SPG21: variants seen among roughly 807,000 people sequenced by gnomAD.
The protein encoded by SPG21 is SPG21 abhydrolase domain containing, maspardin, also known as maspardin.
In SPG21, 26 loss-of-function variants were observed where a neutral mutation model predicts 38.9. The ratio of observed to expected loss-of-function variants is 0.67; its 90% confidence interval spans 0.49 to 0.93. The LOEUF is 0.93. SPG21 is among the 40% of genes least tolerant of loss of function. The probability of loss-of-function intolerance (pLI) is 0.00; values close to 1 mark genes in which losing one functional copy is unlikely to be tolerated. For missense variants in SPG21, 333 were observed against 376.5 expected (o/e 0.88, Z 0.96); for synonymous variants, 136 against 128.9 (o/e 1.05, Z -0.37).
rs552147731 is a variant in SPG21 at position 64,980,783 on chromosome 15, A to G, written c.225+81T>C. On this transcript the variant is annotated intron_variant, in intron 3 of 8. Transcript: ENST00000204566. ...AACAAACAAACAAACTGTGCCCATT[A>G]CTATAGCTGATGAGAGACAGAAGCA... 1.2e-5 allele frequency: 18 copies of G among 1,449,016 alleles called. 1 individual carries two copies. The South Asian group carries it at 2.1e-4, about 17-fold the overall frequency. 89.8% of individuals were successfully genotyped at this position (1,449,016 alleles called of 1,614,324 possible). A position where few individuals can be genotyped will look rare whatever the true frequency, so the allele number is the denominator to read the frequency against.
chr15:64,966,015 A>G (rs1318941792), intron 7 of SPG21, among the ~76,000 whole-genome samples: 1 of 152,090 alleles, frequency 6.6e-6, no homozygotes, highest in East Asian at 1.9e-4. Context: ...GTCGGGGGAA[A>G]TTCTACCATG....
intron 2 of SPG21, among the ~76,000 whole-genome samples, chr15:64,982,433 A>T (rs1423659804): frequency 1.3e-5 from 2 of 152,014 alleles, no homozygotes; most frequent in Non-Finnish European, 2.9e-5. Context: ...GGTGCACAGC[A>T]CCATGCCTGG....
At chr15:64,985,573 T>G (rs1356605568) in intron 1 of SPG21, among the ~76,000 whole-genome samples, 1 of 152,198 alleles carries the variant, frequency 6.6e-6, no homozygotes, top group African/African-American at 2.4e-5. Flanking sequence ...CAGGAAGGAT[T>G]CAAATATTTG....
chr15:64,963,340 G>T lies in SPG21; in HGVS notation c.*280C>A. The stretch of plus-strand genomic sequence containing the variant: ...TTAACATTCACTTAAGAACACAGTG[G>T]TGAAGACTTTTGGTAGCAAAATTTG... On this transcript the variant is annotated 3_prime_UTR_variant, in exon 9 of 9. Coordinates refer to ENST00000204566, the MANE Select transcript of SPG21 (RefSeq NM_016630.7). 2.5e-6 allele frequency: 1 copy of T among 397,704 alleles called. No homozygotes were observed. The allele number at this position is 397,704 out of a possible 1,614,324, so 24.6% of individuals were successfully genotyped here.
chr15:64,968,916 T>A (rs1473871065), intron 7 of SPG21, among the ~76,000 whole-genome samples: 1 of 152,100 alleles, frequency 6.6e-6, no homozygotes, highest in Non-Finnish European at 1.5e-5. Flanking sequence ...TTATTTTTTT[T>A]TAATAAATAC....
chr15:64,982,668 T>C (rs756995675), intron 2 of SPG21, among the ~76,000 whole-genome samples: 12 of 152,356 alleles, frequency 7.9e-5, no homozygotes, highest in South Asian at 4.1e-4. Flanking sequence ...TGCCTTTGTC[T>C]AGTGTGATCC....
Position 64,963,430 on chromosome 15 carries a change from G to C in SPG21, c.*190C>G. On this transcript the variant is annotated 3_prime_UTR_variant, in exon 9 of 9. Coordinates refer to ENST00000204566, the MANE Select transcript of SPG21 (RefSeq NM_016630.7). ...AAATTCAAAAGCTAAGAAAACCAAA[G>C]AGGGAACAGTTACACAGGCTTAGTG... The C allele has an allele frequency of 1.7e-6, 1 of 580,794 alleles. No individual in the cohort carries two copies. The highest frequency in any genetic ancestry group is 2.8e-5 in the East Asian group (1 of 35,416). 36.0% of individuals were successfully genotyped at this position (580,794 alleles called of 1,614,324 possible).
chr15:64,986,271 C>A (rs1373554638), intron 1 of SPG21, among the ~76,000 whole-genome samples: 2 of 152,154 alleles, frequency 1.3e-5, no homozygotes, highest in African/African-American at 4.8e-5. Context: ...GAGGGTGAGG[C>A]AGGAGAATCA....
chr15:64,975,426 G>T (rs1359532652), intron 4 of SPG21, among the ~76,000 whole-genome samples: 1 of 151,538 alleles, frequency 6.6e-6, no homozygotes, highest in Non-Finnish European at 1.5e-5. Flanking sequence ...TACTTGGGAG[G>T]TTGAGGTGGG....
chr15:64,985,765 G>A (rs1470203748), intron 1 of SPG21, among the ~76,000 whole-genome samples: 2 of 152,152 alleles, frequency 1.3e-5, no homozygotes, highest in Non-Finnish European at 2.9e-5. Flanking sequence ...TGGCCCTCGA[G>A]ATCTGCTCCC....
chr15:64,982,171 G>T lies in SPG21; in HGVS notation c.64-1146C>A, dbSNP rs574389647. ...TTTTTTTTTTTTTTTTTGAGACAAG[G>T]TCTGGCTCTGTCACCCAGGCTGGAG... On this transcript the variant is annotated intron_variant, in intron 2 of 8. Transcript: ENST00000204566. Among the ~76,000 whole-genome samples, 67 of 140,336 alleles carry T rather than the reference G, an allele frequency of 4.8e-4. No homozygotes were observed. In the East Asian group the frequency reaches 7.6e-3, roughly 16 times the overall value. 92.1% of individuals were successfully genotyped at this position (140,336 alleles called of 152,430 possible). A position where few individuals can be genotyped will look rare whatever the true frequency, so the allele number is the denominator to read the frequency against.
intron 2 of SPG21, among the ~76,000 whole-genome samples, chr15:64,982,706 C>A (rs1191083331): frequency 6.6e-6 from 1 of 152,312 alleles, no homozygotes; most frequent in South Asian, 2.1e-4. Context: ...ATTTGGGAAG[C>A]AGAGTCAATA....
rs1354072903 is a variant in SPG21, at chr15:64,974,646, G to A, written c.408C>T (p.Ser136=). The A allele has an allele frequency of 1.2e-6, 2 of 1,614,168 alleles. No individual in the cohort carries two copies. Among genetic ancestry groups the A allele is most frequent in the South Asian group, 1.1e-5 (1 of 91,086 alleles). Residue 136 remains serine (S), a synonymous_variant, in exon 5 of 9, where the codon TCC becomes TCT. Transcript: ENST00000204566. The part of the protein sequence containing the change: ...PRVHSLILCN[S]FSDTSIFNQT... Reference sequence around the variant, plus strand: ...GGTTGAAGATAGAGGTGTCACTGAAGGAATTGCAGAGGATTAGGGAATGGA... The same window carrying A: ...GGTTGAAGATAGAGGTGTCACTGAAAGAATTGCAGAGGATTAGGGAATGGA...
Position 64,983,574 on chromosome 15 carries a change from A to G in SPG21, c.-5T>C, listed in dbSNP as rs2085927244. The G allele has an allele frequency of 2.6e-6, 4 of 1,567,568 alleles. No homozygotes were observed. Among genetic ancestry groups the G allele is most frequent in the Non-Finnish European group, 3.5e-6 (4 of 1,151,528 alleles). The stretch of plus-strand genomic sequence containing the variant: ...AGAGACTTTAATCTCTCCCATGATT[A>G]GCTGAAATGGAGGTTAATCCTGAAA... On this transcript the variant is annotated 5_prime_UTR_variant, in exon 2 of 9. Coordinates refer to ENST00000204566, the MANE Select transcript of SPG21 (RefSeq NM_016630.7).
At chr15:64,979,142 TCTC>T (rs2085838995) in intron 3 of SPG21, among the ~76,000 whole-genome samples, 1 of 152,146 alleles carries the variant, frequency 6.6e-6, no homozygotes, top group Non-Finnish European at 1.5e-5. Context: ...CTTGATTAAC[TCTC>T]CTCCTAATGA....
chr15:64,986,531 C>CA (rs1489141594), intron 1 of SPG21, among the ~76,000 whole-genome samples: 8 of 151,000 alleles, frequency 5.3e-5, no homozygotes, highest in Non-Finnish European at 1.0e-4. Flanking sequence ...ACTAAAAATA[C>CA]AAAAAAAATT....
At chr15:64,971,124 G>C (rs2085652552) in intron 5 of SPG21, among the ~76,000 whole-genome samples, 1 of 152,090 alleles carries the variant, frequency 6.6e-6, no homozygotes, top group Non-Finnish European at 1.5e-5. Flanking sequence ...GCAGTATTGT[G>C]ATCATAGCTC....
chr15:64,977,966 G>A (rs1406727433), intron 3 of SPG21, among the ~76,000 whole-genome samples: 1 of 152,032 alleles, frequency 6.6e-6, no homozygotes, highest in Non-Finnish European at 1.5e-5. Flanking sequence ...GGGACTACAG[G>A]CATGTGCCAC....
At chr15:64,963,802 G>A in intron 8 of SPG21, 66 bp from the exon 9 acceptor site, 1 of 1,452,456 alleles carries the variant, frequency 6.9e-7, no homozygotes, top group Non-Finnish European at 9.6e-7. Context: ...TGTTGCCCAG[G>A]CTGGAGTGCA....
Sources: allele counts gnomAD v4.1 joint callset (sites outside exome capture counted in the v4.1 genomes callset), GRCh38; gene constraint gnomAD v4.1.1; transcripts MANE v1.5; gene names NCBI Gene and HGNC (gene_info 2026-07-23, HGNC 2026-07-21).